Variants in TSPAN7 observed in about 807,000 individuals in gnomAD.
The protein encoded by TSPAN7 is tetraspanin 7.
Under a neutral mutation model 17.6 loss-of-function variants are expected in TSPAN7, and 1 was observed. That is an observed-to-expected ratio of 0.06 (90% CI 0.02 to 0.27). TSPAN7 has a LOEUF of 0.27. Ranked by LOEUF, TSPAN7 falls within the 10% of genes least tolerant of loss-of-function variation. The pLI, the probability that TSPAN7 is intolerant of heterozygous loss-of-function variation, is 1.00. For missense variants in TSPAN7, 112 were observed against 201.7 expected (o/e 0.56, Z 2.69); for synonymous variants, 78 against 79.0 (o/e 0.99, Z 0.07).
intron 1 of TSPAN7, among the ~76,000 whole-genome samples, chrX:38,599,613 C>T (rs1283337354): frequency 9.0e-6 from 1 of 111,155 alleles, no homozygotes; most frequent in Non-Finnish European, 1.9e-5. Flanking sequence ...CAATCAAGTA[C>T]TGGGGATGTG....
intron 1 of TSPAN7, among the ~76,000 whole-genome samples, chrX:38,625,441 G>A (rs1049982079): frequency 2.7e-5 from 3 of 111,627 alleles, no homozygotes; most frequent in Non-Finnish European, 5.6e-5. Context: ...CAGAAGTAAC[G>A]TATGCCACCT....
intron 1 of TSPAN7, among the ~76,000 whole-genome samples, chrX:38,635,592 A>G (rs775557403): frequency 8.9e-6 from 1 of 112,251 alleles, no homozygotes; most frequent in Non-Finnish European, 1.9e-5. Flanking sequence ...CCGGAAAGAG[A>G]GGAAAAGTAA....
intron 1 of TSPAN7, among the ~76,000 whole-genome samples, chrX:38,627,171 TG>T (rs1400028843): frequency 1.8e-5 from 2 of 111,723 alleles, no homozygotes; most frequent in African/African-American, 6.5e-5. Context: ...GGTGCAGAAT[TG>T]GGGCATTTTT....
At chrX:38,587,217 C>T (rs778777215) in intron 1 of TSPAN7, among the ~76,000 whole-genome samples, 1 of 112,053 alleles carries the variant, frequency 8.9e-6, no homozygotes, top group East Asian at 2.8e-4. Context: ...GACTGAGAAA[C>T]CCTGTTTTAG....
At chrX:38,646,395 T>C in intron 1 of TSPAN7, 1 of 908,053 alleles carries the variant, frequency 1.1e-6, no homozygotes, top group Non-Finnish European at 1.5e-6. Context: ...GTGTTTGTTT[T>C]TACTCTCCCT....
chrX:38,579,881 T>TC (rs887252195), intron 1 of TSPAN7, among the ~76,000 whole-genome samples: 6 of 111,873 alleles, frequency 5.4e-5, no homozygotes, highest in Non-Finnish European at 9.4e-5. Flanking sequence ...CATCTCCTCC[T>TC]CTCTGTCATA....
At chrX:38,608,233 A>G (rs2069396110) in intron 1 of TSPAN7, 1 of 110,968 alleles carries the variant, frequency 9.0e-6, no homozygotes. Flanking sequence ...CAGCTCTTTT[A>G]GAATTTGTCT....
intron 1 of TSPAN7, among the ~76,000 whole-genome samples, chrX:38,664,832 G>A (rs934301242): frequency 4.5e-5 from 5 of 112,020 alleles, no homozygotes; most frequent in African/African-American, 1.6e-4. Flanking sequence ...TACAGGTAAA[G>A]CTCACACTTA....
At position 38,644,098 on chromosome X, in the gene TSPAN7, T is replaced by C. The variant is rs369609088; in HGVS notation, c.82-22023T>C. On this transcript the variant is annotated intron_variant, in intron 1 of 7. Coordinates refer to ENST00000378482, the MANE Select transcript of TSPAN7 (RefSeq NM_004615.4). ...ATAATAAAATTAACGGGGCCCAAACTCCCTCTTCTTCTCAAACTGTGCTGA... is the reference window on the plus strand; with the variant it reads ...ATAATAAAATTAACGGGGCCCAAACCCCCTCTTCTTCTCAAACTGTGCTGA... Among the ~76,000 whole-genome samples, 12 of 111,439 alleles carry C rather than the reference T, an allele frequency of 1.1e-4. No homozygotes were observed. In the East Asian group the frequency reaches 3.1e-3, roughly 29 times the overall value.
chrX:38,630,104 T>G (rs745873136), intron 1 of TSPAN7, among the ~76,000 whole-genome samples: 3 of 111,784 alleles, frequency 2.7e-5, no homozygotes, highest in South Asian at 7.5e-4. Context: ...GGGGATAACT[T>G]AAATTTCCCC....
chrX:38,671,500 G>A (rs1300795070), intron 3 of TSPAN7, 50 bp downstream of exon 3: 4 of 1,116,446 alleles, frequency 3.6e-6, no homozygotes, highest in Non-Finnish European at 4.9e-6. Context: ...TTGGGAGGAG[G>A]ATTCTTGAAA....
chrX:38,654,886 G>A (rs990330617), intron 1 of TSPAN7, among the ~76,000 whole-genome samples: 3 of 112,156 alleles, frequency 2.7e-5, no homozygotes, highest in Non-Finnish European at 5.6e-5. Flanking sequence ...TTCAAATACG[G>A]TCATCAGGGA....
intron 1 of TSPAN7, among the ~76,000 whole-genome samples, chrX:38,598,241 T>C (rs946959498): frequency 1.8e-5 from 2 of 111,261 alleles, no homozygotes; most frequent in African/African-American, 6.5e-5. Context: ...GTGCCACCCA[T>C]TTTGTAGTAT....
chrX:38,630,259 G>A (rs769037286), intron 1 of TSPAN7, among the ~76,000 whole-genome samples: 1 of 112,118 alleles, frequency 8.9e-6, no homozygotes, highest in Admixed American at 9.5e-5. Flanking sequence ...ATGTGTAATT[G>A]TTTCTAGAAG....
rs139928486 is a variant in TSPAN7, at chrX:38,644,391, C to A, written c.82-21730C>A. 1.4e-4 allele frequency among the ~76,000 whole-genome samples: 16 copies of A among 112,040 alleles called. No individual in the cohort carries two copies. The East Asian group carries it at 3.4e-3, about 24-fold the overall frequency. Reference sequence around the variant, plus strand: ...TAAATCTTCATATAGTCTATCATAGCTTGTTTTTTCAGATAATGAGTGTCC... The same window carrying A: ...TAAATCTTCATATAGTCTATCATAGATTGTTTTTTCAGATAATGAGTGTCC... On this transcript the variant is annotated intron_variant, in intron 1 of 7. Transcript: ENST00000378482.
chrX:38,590,063 C>T (rs758771819), intron 1 of TSPAN7, among the ~76,000 whole-genome samples: 128 of 112,495 alleles, frequency 1.1e-3, no homozygotes, highest in Non-Finnish European at 2.0e-3. Context: ...AATATTTGGT[C>T]ATAATGTATT....
intron 6 of TSPAN7, 145 bp from the exon 7 acceptor site, chrX:38,687,454 C>T: frequency 1.9e-5 from 9 of 470,497 alleles, no homozygotes; most frequent in Non-Finnish European, 2.5e-5. Context: ...TACAGAAACA[C>T]TTGGTTGTTA....
chrX:38,613,762 C>T (rs1489633939), intron 1 of TSPAN7, among the ~76,000 whole-genome samples: 1 of 110,680 alleles, frequency 9.0e-6, no homozygotes, highest in African/African-American at 3.3e-5. Flanking sequence ...AGGATAGGTA[C>T]CCTATGTTTT....
chrX:38,644,348 A>G (rs1342814707), intron 1 of TSPAN7, among the ~76,000 whole-genome samples: 1 of 112,266 alleles, frequency 8.9e-6, no homozygotes, highest in African/African-American at 3.2e-5. Context: ...ATGAGGAGAA[A>G]GCACACTAGT....
Sources: gnomAD v4.1 joint callset for allele counts (sites outside exome capture counted in the v4.1 genomes callset) on GRCh38, gnomAD v4.1.1 for gene constraint, MANE v1.5 for transcripts, NCBI Gene and HGNC (gene_info 2026-07-23, HGNC 2026-07-21) for gene names.